The following YTHDC2 variants were observed in gnomAD, a reference collection of about 807,000 sequenced individuals.
YTHDC2 encodes 3'-5' RNA helicase YTHDC2.
YTHDC2 carries 45 observed loss-of-function variants against 174.9 expected under a neutral mutation model. The ratio of observed to expected loss-of-function variants is 0.26; its 90% CI spans 0.20 to 0.33. The LOEUF (loss-of-function observed/expected upper bound fraction) is 0.33. Ranked by LOEUF, YTHDC2 falls within the 10% of genes least tolerant of loss-of-function variation. The pLI is 1.00. For synonymous variants in YTHDC2, 657 were observed against 574.5 expected (o/e 1.14, Z -2.05); for missense variants, 1,650 against 1,723.7 (o/e 0.96, Z 0.76).
At chr5:113,558,385 A>G (rs931631924) in intron 17 of YTHDC2, among the ~76,000 whole-genome samples, 2 of 152,316 alleles carry the variant, frequency 1.3e-5, no homozygotes, top group African/African-American at 4.8e-5. Context: ...ACTTTCCTAT[A>G]ATAAGGGAGA....
At position 113,579,440 on chromosome 5, in the gene YTHDC2, G is replaced by C. The variant is rs532286190; in HGVS notation, c.3245-146G>C. ...TTAAATAAATACTGAGATTTAACAT[G>C]TGATCTTTTGAGTTTGAAGGACTTC... On this transcript the variant is annotated intron_variant, in intron 23 of 29. Transcript: ENST00000161863. 8.3e-6 allele frequency: 4 copies of C among 484,466 alleles called. No homozygotes were observed. The South Asian group carries it at 1.9e-4, about 22-fold the overall frequency. 30.0% of individuals were successfully genotyped at this position (484,466 alleles called of 1,614,324 possible).
intron 4 of YTHDC2, among the ~76,000 whole-genome samples, chr5:113,528,693 G>T (rs1217187707): frequency 6.6e-6 from 1 of 152,112 alleles, no homozygotes; most frequent in Non-Finnish European, 1.5e-5. Flanking sequence ...ATTTTTTGTA[G>T]AGACGAGGTT....
In YTHDC2 at chr5:113,547,451, G is replaced by A. The variant is rs541932683; in HGVS notation, c.1496-1090G>A. Among the ~76,000 whole-genome samples the A allele has an allele frequency of 5.3e-5, 8 of 152,150 alleles. No individual in the cohort carries two copies. The East Asian group carries it at 1.2e-3, about 22-fold the overall frequency. ...TGCCATTATATATTTGTCCAAATCC[G>A]TAAAATGCACAAAACCAAGAGTGAA... On this transcript the variant is annotated intron_variant, in intron 10 of 29. Transcript: ENST00000161863.
At chr5:113,515,555 C>T (rs1046768919) in intron 2 of YTHDC2, among the ~76,000 whole-genome samples, 193 bp downstream of exon 2, 3 of 152,116 alleles carry the variant, frequency 2.0e-5, no homozygotes, top group Non-Finnish European at 1.5e-5. Flanking sequence ...CTCTTCCCCC[C>T]TTTTTTGTTT....
At chr5:113,514,416 C>A in intron 1 of YTHDC2, 1 of 523,596 alleles carries the variant, frequency 1.9e-6, no homozygotes, top group Non-Finnish European at 3.6e-6. Context: ...AAGGGGGTGT[C>A]ACCTAATTGT....
intron 2 of YTHDC2, among the ~76,000 whole-genome samples, chr5:113,519,749 A>G (rs1034703307): frequency 6.6e-6 from 1 of 152,226 alleles, no homozygotes; most frequent in Non-Finnish European, 1.5e-5. Flanking sequence ...GGTGCTTTAA[A>G]TGGATTATCA....
chr5:113,583,050 G>T (rs1778487760), intron 25 of YTHDC2: 1 of 152,288 alleles, frequency 6.6e-6, no homozygotes, highest in Non-Finnish European at 1.5e-5. Flanking sequence ...TTCTGTGGTA[G>T]AGTTATTCCT....
Position 113,585,039 on chromosome 5 carries a change from C to T in YTHDC2, c.3825+560C>T, listed in dbSNP as rs909209303. 4.0e-5 allele frequency among the ~76,000 whole-genome samples: 6 copies of T among 151,598 alleles called. No homozygotes were observed. The South Asian group carries it at 1.0e-3, about 26-fold the overall frequency. On this transcript the variant is annotated intron_variant, in intron 26 of 29. Transcript: ENST00000161863. The stretch of plus-strand genomic sequence containing the variant: ...CAAGTGATCTTCCCATCTCAGCCTC[C>T]GAGTGGCAGGGATTACAGGTGTGAG...
chr5:113,591,917 T>G, intron 27 of YTHDC2, 79 bp from the exon 28 acceptor site: 1 of 1,124,310 alleles, frequency 8.9e-7, no homozygotes, highest in South Asian at 3.1e-5. Context: ...TTTTAAAAAC[T>G]CAGCCTTCTC....
chr5:113,583,265 A>G (rs1778499061), intron 25 of YTHDC2: 1 of 152,196 alleles, frequency 6.6e-6, no homozygotes, highest in Non-Finnish European at 1.5e-5. Context: ...ATATGGAAGG[A>G]TAAAATGACA....
At chr5:113,585,449 A>T (rs1778628846) in intron 26 of YTHDC2, among the ~76,000 whole-genome samples, 1 of 152,070 alleles carries the variant, frequency 6.6e-6, no homozygotes, top group Admixed American at 6.6e-5. Flanking sequence ...TTGCATTCTT[A>T]GGTTTTGAAG....
At chr5:113,559,159 T>G (rs992340226) in intron 17 of YTHDC2, among the ~76,000 whole-genome samples, 3 of 149,426 alleles carry the variant, frequency 2.0e-5, no homozygotes, top group African/African-American at 7.5e-5. Flanking sequence ...AGCCTGGAGG[T>G]AAGTCAGAGG....
rs769195805 is a variant in YTHDC2 at position 113,584,438 on chromosome 5, C to G, written c.3784C>G (p.Pro1262Ala). 2.5e-6 allele frequency: 4 copies of G among 1,613,436 alleles called. No individual in the cohort carries two copies. Among genetic ancestry groups the G allele is most frequent in the Non-Finnish European group, 3.4e-6 (4 of 1,179,658 alleles). Residue 1262 changes from proline to alanine, a missense_variant, in exon 26 of 30, where the codon CCA (proline) becomes GCA (alanine). Transcript: ENST00000161863. ...SLKSTDSSSY[P>A]SPCASPSPPS... ...GAAATCTACAGACAGCAGTAGTTAC[C>G]CAAGTCCTTGTGCTAGTCCTTCTCC...
chr5:113,524,046 C>A (rs542847740), intron 2 of YTHDC2, among the ~76,000 whole-genome samples: 10 of 152,174 alleles, frequency 6.6e-5, no homozygotes, highest in African/African-American at 2.2e-4. Context: ...CATGTATTAT[C>A]TTAATCATAT....
At chr5:113,554,906 C>G (rs1215521370) in intron 16 of YTHDC2, among the ~76,000 whole-genome samples, 1 of 151,824 alleles carries the variant, frequency 6.6e-6, no homozygotes, top group Admixed American at 6.6e-5. Context: ...CAAATTATAT[C>G]TATTTAGTGG....
intron 17 of YTHDC2, among the ~76,000 whole-genome samples, chr5:113,558,978 A>G (rs557323676): frequency 3.6e-4 from 54 of 152,090 alleles, no homozygotes; most frequent in African/African-American, 1.3e-3. Context: ...TCTCAAGTAT[A>G]GGCCTAGAAT....
At chr5:113,517,648 C>G (rs1028598233) in intron 2 of YTHDC2, 9 of 453,722 alleles carry the variant, frequency 2.0e-5, no homozygotes, top group South Asian at 1.3e-4. Context: ...TACCTATAAC[C>G]TTAATGCTTT....
In YTHDC2 at chr5:113,548,431, C is replaced by T. The variant is rs938443300; in HGVS notation, c.1496-110C>T. ...CATTATGTAGTTAAGGAGCAACTCT[C>T]AGGCTAATTATCCTGAAACTCAGTT... On this transcript the variant is annotated intron_variant, in intron 10 of 29. Transcript: ENST00000161863. The T allele has an allele frequency of 3.7e-6, 4 of 1,077,114 alleles. No individual in the cohort carries two copies. In the South Asian group the frequency reaches 5.1e-5, roughly 14 times the overall value. The allele number at this position is 1,077,114 out of a possible 1,614,324, so 66.7% of individuals were successfully genotyped here. A position where few individuals can be genotyped will look rare whatever the true frequency, so the allele number is the denominator to read the frequency against.
At chr5:113,553,718 A>C in intron 14 of YTHDC2, 32 bp downstream of exon 14, 1 of 1,613,038 alleles carries the variant, frequency 6.2e-7, no homozygotes, top group Non-Finnish European at 8.5e-7. Context: ...CTGTTGCTTA[A>C]AATAACGGAC....
Sources: allele counts gnomAD v4.1 joint callset (sites outside exome capture counted in the v4.1 genomes callset), GRCh38; gene constraint gnomAD v4.1.1; transcripts MANE v1.5; gene names NCBI Gene and HGNC (gene_info 2026-07-23, HGNC 2026-07-21).